SRBD1: variants seen among roughly 807,000 people sequenced by gnomAD.
SRBD1 encodes the protein S1 RNA binding domain 1.
A neutral mutation model predicts 115.3 loss-of-function variants in SRBD1; 88 were observed. The observed-to-expected ratio is 0.76, with a 90% CI of 0.64 to 0.91. The LOEUF is 0.91. Among genes scored for constraint, SRBD1 ranks in the 40% least tolerant of loss-of-function variants. The probability of loss-of-function intolerance (pLI) is 0.00; values close to 1 mark genes in which losing one functional copy is unlikely to be tolerated. For synonymous variants in SRBD1, 509 were observed against 407.7 expected, an observed-to-expected ratio of 1.25 and a Z score of -2.99; for missense variants, 1,385 against 1,177.4, an observed-to-expected ratio of 1.18 and a Z score of -2.58.
In SRBD1 at chr2:45,601,860, G is replaced by C. The variant is rs140631917; in HGVS notation, c.261+43C>G. On this transcript the variant is annotated intron_variant, in intron 3 of 20. Transcript: ENST00000263736. ...AATAAGAAAATAACATCACCAATCA[G>C]GAAGACACTACAGAGTTCCCTCTAT... 11 of 1,596,978 alleles carry C rather than the reference G, an allele frequency of 6.9e-6. No homozygotes were observed. The South Asian group carries it at 7.9e-5, about 11-fold the overall frequency.
intron 19 of SRBD1, among the ~76,000 whole-genome samples, chr2:45,396,863 T>C (rs929924550): frequency 2.0e-5 from 3 of 152,174 alleles, no homozygotes; most frequent in East Asian, 1.9e-4. Flanking sequence ...CCACAGAGCA[T>C]AGAAGAACCA....
At chr2:45,558,304 A>G (rs1375591986) in intron 10 of SRBD1, among the ~76,000 whole-genome samples, 1 of 152,186 alleles carries the variant, frequency 6.6e-6, no homozygotes, top group African/African-American at 2.4e-5. Flanking sequence ...GTCTCTAAAA[A>G]GAAGTTTTCT....
chr2:45,581,771 A>C lies in SRBD1; in HGVS notation c.855T>G (p.Ile285Met). ...AKKVHSTIQK[I>M]KKEGKMSECL... ...ACTCAGACATCTTCCCTTCCTTCTTAATTTTCTGGATTGTACTATGAACTT... is the reference window on the plus strand; with the variant it reads ...ACTCAGACATCTTCCCTTCCTTCTTCATTTTCTGGATTGTACTATGAACTT... Residue 285 changes from isoleucine to methionine, a missense_variant, in exon 6 of 21, where the codon ATT (isoleucine) becomes ATG (methionine). Physicochemically the swap from Ile to Met is conservative, Grantham distance 10. Transcript: ENST00000263736. 6.2e-7 allele frequency: 1 copy of C among 1,613,548 alleles called. No homozygotes were observed. The highest frequency in any genetic ancestry group is 8.5e-7 in the Non-Finnish European group (1 of 1,179,772).
intron 11 of SRBD1, among the ~76,000 whole-genome samples, chr2:45,552,600 T>C (rs915301971): frequency 3.3e-5 from 5 of 152,154 alleles, no homozygotes; most frequent in African/African-American, 9.7e-5. Flanking sequence ...TTAAATAACA[T>C]AATTTTTTCC....
At chr2:45,502,656 G>C (rs1670671643) in intron 14 of SRBD1, among the ~76,000 whole-genome samples, 1 of 145,618 alleles carries the variant, frequency 6.9e-6, no homozygotes, top group Non-Finnish European at 1.5e-5. Context: ...ACGGGAAGGA[G>C]AACATCACAC....
intron 14 of SRBD1, among the ~76,000 whole-genome samples, chr2:45,541,203 T>C (rs79773062): frequency 5.3e-4 from 80 of 152,272 alleles, no homozygotes; most frequent in African/African-American, 1.4e-3. Context: ...GGACCAGATA[T>C]ATCACATGCA....
At chr2:45,597,903 A>C (rs1673954959) in intron 4 of SRBD1, among the ~76,000 whole-genome samples, 1 of 152,214 alleles carries the variant, frequency 6.6e-6, no homozygotes, top group Admixed American at 6.5e-5. Flanking sequence ...ACTTATTACC[A>C]AGTCTCAAAG....
At chr2:45,459,686 T>A (rs1191932569) in intron 16 of SRBD1, among the ~76,000 whole-genome samples, 1 of 152,146 alleles carries the variant, frequency 6.6e-6, no homozygotes, top group Admixed American at 6.5e-5. Context: ...CCATGTCTAA[T>A]TTTTTTCCCT....
chr2:45,559,845 C>T (rs551215856), intron 10 of SRBD1, among the ~76,000 whole-genome samples: 2 of 152,182 alleles, frequency 1.3e-5, no homozygotes, highest in East Asian at 1.9e-4. Flanking sequence ...CTTTGGGAGG[C>T]GGAAGTTGGT....
chr2:45,392,975 T>C lies in SRBD1; in HGVS notation c.2668A>G (p.Ser890Gly), dbSNP rs751014084. ...CGAAAGTCAAAGCTTTCAGGCTGGCTGAGACCATCTATGATGACCTGTAAG... is the reference window on the plus strand; with the variant it reads ...CGAAAGTCAAAGCTTTCAGGCTGGCCGAGACCATCTATGATGACCTGTAAG... ...HTLQVIIDGL[S>G]QPESFDFRTD... is the part of the protein sequence containing the mutation. Residue 890 changes from serine (S) to glycine (G), a missense_variant, in exon 20 of 21, where the codon AGC (serine) becomes GGC (glycine). Transcript: ENST00000263736. 2 of 1,611,922 alleles carry C rather than the reference T, an allele frequency of 1.2e-6. No individual in the cohort carries two copies. The highest frequency in any genetic ancestry group is 2.2e-5 in the East Asian group (1 of 44,824).
chr2:45,494,469 C>A (rs1467534543), intron 14 of SRBD1, among the ~76,000 whole-genome samples: 2 of 151,490 alleles, frequency 1.3e-5, no homozygotes, highest in Non-Finnish European at 2.9e-5. Context: ...AGATCTCAAG[C>A]AATGACATTT....
chr2:45,461,267 T>C (rs968727735), intron 16 of SRBD1, among the ~76,000 whole-genome samples: 44 of 152,192 alleles, frequency 2.9e-4, no homozygotes, highest in African/African-American at 1.0e-3. Flanking sequence ...GTTCCAGATA[T>C]AAAATACCTT....
intron 16 of SRBD1, among the ~76,000 whole-genome samples, chr2:45,474,849 A>C (rs995556060): frequency 2.6e-5 from 4 of 152,166 alleles, no homozygotes; most frequent in Non-Finnish European, 5.9e-5. Flanking sequence ...TATTCAAATA[A>C]ATATGTATTT....
intron 19 of SRBD1, among the ~76,000 whole-genome samples, chr2:45,407,659 A>G (rs1667476661): frequency 6.6e-6 from 1 of 152,228 alleles, no homozygotes; most frequent in Non-Finnish European, 1.5e-5. Flanking sequence ...CACAAAGAAT[A>G]TGGGGAACAC....
intron 10 of SRBD1, among the ~76,000 whole-genome samples, chr2:45,555,871 T>C (rs1672459610): frequency 1.3e-5 from 2 of 152,132 alleles, no homozygotes; most frequent in African/African-American, 4.8e-5. Flanking sequence ...TATAAACCTG[T>C]TGGTCCTATG....
intron 4 of SRBD1, 126 bp from the exon 5 acceptor site, chr2:45,585,900 A>G: frequency 1.7e-6 from 1 of 603,118 alleles, no homozygotes; most frequent in South Asian, 2.9e-5. Context: ...ATAGTTTTTT[A>G]AAAAAAAGAA....
At chr2:45,567,312 T>C (rs1180672920) in intron 9 of SRBD1, among the ~76,000 whole-genome samples, 1 of 152,134 alleles carries the variant, frequency 6.6e-6, no homozygotes, top group Non-Finnish European at 1.5e-5. Flanking sequence ...AACAATCACT[T>C]AGAAATAAAT....
At chr2:45,608,922 C>G (rs1015680608) in intron 1 of SRBD1, among the ~76,000 whole-genome samples, 16 of 152,178 alleles carry the variant, frequency 1.1e-4, no homozygotes, top group Admixed American at 3.3e-4. Context: ...ATTCTCCTGC[C>G]TTAGCCTCCT....
chr2:45,431,433 G>A (rs552667436), intron 16 of SRBD1, among the ~76,000 whole-genome samples: 2 of 152,254 alleles, frequency 1.3e-5, no homozygotes, highest in South Asian at 2.1e-4. Flanking sequence ...GTGGCACCAT[G>A]GAATATTATG....
Sources: gnomAD v4.1 joint callset for allele counts (sites outside exome capture counted in the v4.1 genomes callset) on GRCh38, gnomAD v4.1.1 for gene constraint, MANE v1.5 for transcripts, NCBI Gene and HGNC (gene_info 2026-07-23, HGNC 2026-07-21) for gene names.